Variants in ANKFN1 observed in about 807,000 individuals in gnomAD.
ANKFN1 encodes the protein ankyrin repeat and fibronectin type-III domain-containing protein 1.
In ANKFN1, 74 loss-of-function variants were observed where a neutral mutation model predicts 108.7. The observed-to-expected ratio is 0.68, with a 90% CI of 0.56 to 0.83. ANKFN1 has a LOEUF of 0.83. Ranked by LOEUF, ANKFN1 falls within the 40% of genes least tolerant of loss-of-function variation. ANKFN1 has a pLI of 0.00. For synonymous variants in ANKFN1, 547 were observed against 516.2 expected (o/e 1.06, Z -0.81); for missense variants, 1,505 against 1,382.3 (o/e 1.09, Z -1.41).
At chr17:56,380,835 G>A (rs1287733131) in intron 8 of ANKFN1, among the ~76,000 whole-genome samples, 1 of 152,228 alleles carries the variant, frequency 6.6e-6, no homozygotes, top group Non-Finnish European at 1.5e-5. Flanking sequence ...GCCTGCCTCT[G>A]TAGGCTCCAC....
chr17:56,350,515 A>G (rs1043321961), intron 4 of ANKFN1, among the ~76,000 whole-genome samples: 3 of 152,170 alleles, frequency 2.0e-5, no homozygotes, highest in Admixed American at 1.3e-4. Flanking sequence ...ATATGTTTAT[A>G]TAGTAAATGG....
At chr17:56,126,981 C>A (rs1906973351) in intron 4 of ANKFN1, among the ~76,000 whole-genome samples, 1 of 152,196 alleles carries the variant, frequency 6.6e-6, no homozygotes, top group Non-Finnish European at 1.5e-5. Context: ...GCATATCTAT[C>A]ATAAATGCTC....
intron 4 of ANKFN1, among the ~76,000 whole-genome samples, chr17:56,066,251 C>G (rs1415985796): frequency 6.6e-6 from 1 of 152,232 alleles, no homozygotes; most frequent in Non-Finnish European, 1.5e-5. Flanking sequence ...GGAGAAATAT[C>G]ACCATTGGGG....
At chr17:56,276,981 A>T (rs1236900211) in intron 3 of ANKFN1, among the ~76,000 whole-genome samples, 2 of 152,164 alleles carry the variant, frequency 1.3e-5, no homozygotes, top group African/African-American at 4.8e-5. Context: ...TTTAAGGGAA[A>T]GGAGGCTTCT....
intron 1 of ANKFN1, among the ~76,000 whole-genome samples, chr17:56,168,792 T>A (rs569005605): frequency 6.6e-6 from 1 of 152,198 alleles, no homozygotes; most frequent in East Asian, 1.9e-4. Flanking sequence ...ATATAGGTGC[T>A]AATGAATCCC....
chr17:56,182,891 G>A (rs922734522), intron 1 of ANKFN1, among the ~76,000 whole-genome samples: 2 of 152,060 alleles, frequency 1.3e-5, no homozygotes, highest in African/African-American at 2.4e-5. Flanking sequence ...AAAATCCTAA[G>A]GCCCATAAGA....
At chr17:56,153,638 T>C in intron 1 of ANKFN1, 108 bp downstream of exon 1, 1 of 1,441,320 alleles carries the variant, frequency 6.9e-7, no homozygotes, top group Non-Finnish European at 9.8e-7. Context: ...ATTCGGGCGT[T>C]AGCTGGTGAG....
chr17:56,457,063 A>G (rs1195494251), intron 12 of ANKFN1, 103 bp downstream of exon 12: 2 of 1,250,732 alleles, frequency 1.6e-6, no homozygotes, highest in African/African-American at 3.1e-5. Context: ...GTTCAAAACA[A>G]TAAAATTCAC....
Position 56,208,592 on chromosome 17 carries a change from G to A in ANKFN1, c.-70-4006G>A, listed in dbSNP as rs141545040. Among the ~76,000 whole-genome samples, 101 of 152,238 alleles carry A rather than the reference G, an allele frequency of 6.6e-4. 1 individual carries two copies. In the East Asian group the frequency reaches 0.016, roughly 24 times the overall value. On this transcript the variant is annotated intron_variant, in intron 1 of 20. Transcript: ENST00000682825. ...AGATTACCTGCATGCAGTTCCTCAT[G>A]ATATCCGCTGATCCTGCCTTACTGC... is the stretch of plus-strand genomic sequence containing the variant.
intron 8 of ANKFN1, among the ~76,000 whole-genome samples, chr17:56,431,047 G>C (rs1230277102): frequency 6.6e-6 from 1 of 152,228 alleles, no homozygotes; most frequent in Non-Finnish European, 1.5e-5. Context: ...ACAGGAAGGA[G>C]TCTGGCATGT....
In ANKFN1 at chr17:56,511,936, A is replaced by C. The variant is rs2051787399; in HGVS notation, c.*667A>C. On this transcript the variant is annotated 3_prime_UTR_variant, in exon 21 of 21. Transcript: ENST00000682825. ...CTGTGTGGAGACCACCAGAAACAAA[A>C]GTGGAGAATTCTCTTTCAGCTCTAC... Among the ~76,000 whole-genome samples, 1 of 152,166 alleles carries C rather than the reference A, an allele frequency of 6.6e-6. No individual in the cohort carries two copies. The highest frequency in any genetic ancestry group is 6.5e-5 in the Admixed American group (1 of 15,286).
chr17:56,123,097 A>C (rs1311425633), intron 4 of ANKFN1, among the ~76,000 whole-genome samples: 1 of 152,184 alleles, frequency 6.6e-6, no homozygotes, highest in East Asian at 1.9e-4. Flanking sequence ...TATTTCCCCT[A>C]CTTTATACAC....
At chr17:56,144,155 T>TG (rs1908097807) in intron 4 of ANKFN1, among the ~76,000 whole-genome samples, 18 of 54,666 alleles carry the variant, frequency 3.3e-4, no homozygotes, top group Middle Eastern at 0.02. Context: ...GAGGCGCATC[T>TG]GAAAAAAAAA....
At position 56,099,364 on chromosome 17, in the gene ANKFN1, G is replaced by T. The variant is rs183894185; in HGVS notation, c.288+53039G>T. Among the ~76,000 whole-genome samples, 4 of 152,282 alleles carry T rather than the reference G, an allele frequency of 2.6e-5. No individual in the cohort carries two copies. The East Asian group carries it at 7.7e-4, about 29-fold the overall frequency. On this transcript the variant is annotated intron_variant, in intron 4 of 12. Coordinates refer to the ANKFN1 transcript ENST00000635860. ...TCAGGTGAATAGAATGCTGATTTTAGACTGGGAGGAGTTGGTACTATCTTA... is the reference window on the plus strand; with the variant it reads ...TCAGGTGAATAGAATGCTGATTTTATACTGGGAGGAGTTGGTACTATCTTA...
chr17:56,469,051 C>T (rs929006205), intron 15 of ANKFN1, among the ~76,000 whole-genome samples: 3 of 152,120 alleles, frequency 2.0e-5, no homozygotes, highest in African/African-American at 7.2e-5. Context: ...CTGGTTTCTC[C>T]TAGACTTATT....
intron 4 of ANKFN1, among the ~76,000 whole-genome samples, chr17:56,343,225 T>A (rs2046006213): frequency 6.6e-6 from 1 of 151,942 alleles, no homozygotes; most frequent in African/African-American, 2.4e-5. Context: ...TCATGTGGAT[T>A]TGCATTACTA....
intron 19 of ANKFN1, among the ~76,000 whole-genome samples, chr17:56,493,878 T>C (rs2051116108): frequency 1.3e-5 from 2 of 152,186 alleles, no homozygotes; most frequent in Admixed American, 6.5e-5. Flanking sequence ...ACGAACGCTG[T>C]GAACTTTGGG....
At chr17:56,383,212 C>A (rs1229726580) in intron 8 of ANKFN1, among the ~76,000 whole-genome samples, 1 of 152,100 alleles carries the variant, frequency 6.6e-6, no homozygotes, top group African/African-American at 2.4e-5. Context: ...AACCGAACAA[C>A]CTGCTCCTGA....
intron 4 of ANKFN1, among the ~76,000 whole-genome samples, chr17:56,131,928 T>G (rs1039387865): frequency 6.6e-6 from 1 of 152,218 alleles, no homozygotes; most frequent in Non-Finnish European, 1.5e-5. Context: ...CTCTGAGGAA[T>G]AGAATTATTC....
Sources: gnomAD v4.1 joint callset for allele counts (sites outside exome capture counted in the v4.1 genomes callset) on GRCh38, gnomAD v4.1.1 for gene constraint, MANE v1.5 for transcripts, NCBI Gene and HGNC (gene_info 2026-07-23, HGNC 2026-07-21) for gene names.